CRTC2: variants seen among roughly 807,000 people sequenced by gnomAD.
The protein encoded by CRTC2 is CREB-regulated transcription coactivator 2.
In CRTC2, 25 loss-of-function variants were observed where a neutral mutation model predicts 70.9. The observed-to-expected ratio is 0.35, with a 90% CI of 0.26 to 0.49. CRTC2 has a LOEUF of 0.49. Ranked by LOEUF, CRTC2 falls within the 20% of genes least tolerant of loss-of-function variation. CRTC2 has a pLI of 0.98. For missense variants in CRTC2, 737 were observed against 882.6 expected, an observed-to-expected ratio of 0.83 and a Z score of 2.09; for synonymous variants, 330 against 364.1, an observed-to-expected ratio of 0.91 and a Z score of 1.07.
Position 153,954,858 on chromosome 1 carries a change from C to T in CRTC2, c.372+15G>A, listed in dbSNP as rs1445635517. 2 of 1,608,632 alleles carry T rather than the reference C, an allele frequency of 1.2e-6. No homozygotes were observed. The highest frequency in any genetic ancestry group is 1.7e-6 in the Non-Finnish European group (2 of 1,176,584). Reference sequence around the variant, plus strand: ...ACTACCTTTCAGACACTCCCAAGTCCCCTGTGAAGGATATGTGGCGGGTGT... The same window carrying T: ...ACTACCTTTCAGACACTCCCAAGTCTCCTGTGAAGGATATGTGGCGGGTGT... On this transcript the variant is annotated intron_variant, in intron 3 of 13. Coordinates refer to ENST00000368633, the MANE Select transcript of CRTC2 (RefSeq NM_181715.3).
At chr1:153,953,233 G>C (rs1324302637) in intron 6 of CRTC2, 33 bp downstream of exon 6, 6 of 1,100,046 alleles carry the variant, frequency 5.5e-6, no homozygotes, top group Non-Finnish European at 7.9e-6. Context: ...ATAGCTCCAT[G>C]GTTACTCCCA....
Position 153,953,274 on chromosome 1 carries a change from C to T in CRTC2, c.599G>A (p.Arg200Gln), listed in dbSNP as rs368267106. 5.1e-6 allele frequency: 8 copies of T among 1,579,508 alleles called. No homozygotes were observed. In the African/African-American group the frequency reaches 5.5e-5, roughly 11 times the overall value. The change falls in exon 6 of 14, where the codon CGA becomes CAA. Residue 200 changes from arginine (R) to glutamine (Q), a missense_variant. Arg to Gln is a conservative substitution (Grantham distance 43, BLOSUM62 1). Transcript: ENST00000368633. The part of the protein sequence containing the change: ...GPTPPSILPS[R>Q]RGGILDGEMD... The stretch of plus-strand genomic sequence containing the variant: ...GGGACAGGGCCACTTACCCCCACGT[C>T]GGCTGGGCAGGATGCTGGGAGGTGT...
chr1:153,951,883 G>A lies in CRTC2; in HGVS notation c.997+135C>T, dbSNP rs1557868001. 2.5e-5 allele frequency: 33 copies of A among 1,296,366 alleles called. No homozygotes were observed. In the South Asian group the frequency reaches 4.4e-4, roughly 17 times the overall value. 80.3% of individuals were successfully genotyped at this position (1,296,366 alleles called of 1,614,324 possible). A position where few individuals can be genotyped will look rare whatever the true frequency, so the allele number is the denominator to read the frequency against. ...GTTATCACTGGCTGAGAACTGCCGT[G>A]AGGGAATCCTGGGGTGCAGAGGTGA... On this transcript the variant is annotated intron_variant, in intron 10 of 13. Transcript: ENST00000368633.
At chr1:153,950,493 A>T (rs963163586) in intron 11 of CRTC2, among the ~76,000 whole-genome samples, 1 of 152,166 alleles carries the variant, frequency 6.6e-6, no homozygotes, top group African/African-American at 2.4e-5. Context: ...GAGGAGGAAA[A>T]GTTGGGCAGA....
Position 153,954,322 on chromosome 1 carries a change from C to G in CRTC2, c.373-6G>C. 1.2e-6 allele frequency: 2 copies of G among 1,607,732 alleles called. No individual in the cohort carries two copies. Among genetic ancestry groups the G allele is most frequent in the Non-Finnish European group, 1.7e-6 (2 of 1,175,318 alleles). ...CTATAGGGAGAGCTGTCAATGTGAACAGCACCAGTTAAGGAAAAAAGTAGA... is the reference window on the plus strand; with the variant it reads ...CTATAGGGAGAGCTGTCAATGTGAAGAGCACCAGTTAAGGAAAAAAGTAGA... On this transcript the variant is annotated splice_region_variant and splice_polypyrimidine_tract_variant and intron_variant, in intron 3 of 13. Transcript: ENST00000368633.
At chr1:153,948,436 A>C in intron 13 of CRTC2, 22 bp downstream of exon 13, 1 of 1,606,144 alleles carries the variant, frequency 6.2e-7, no homozygotes, top group Non-Finnish European at 8.5e-7. Context: ...TCCATTTCCC[A>C]TCACCACCCA....
intron 10 of CRTC2, 158 bp from the exon 11 acceptor site, chr1:153,951,824 T>C: frequency 9.5e-7 from 1 of 1,053,252 alleles, no homozygotes; most frequent in South Asian, 1.6e-5. Flanking sequence ...GGGACTGCCC[T>C]TCCTCTTCTT....
At chr1:153,948,814 A>G (rs1416709940) in intron 12 of CRTC2, 170 bp from the exon 13 acceptor site, 5 of 806,864 alleles carry the variant, frequency 6.2e-6, no homozygotes, top group Non-Finnish European at 1.0e-5. Flanking sequence ...CGGGGCCCGA[A>G]GTAAGTATGG....
intron 1 of CRTC2, among the ~76,000 whole-genome samples, chr1:153,957,612 C>A (rs894751175): frequency 6.6e-6 from 1 of 152,116 alleles, no homozygotes; most frequent in Non-Finnish European, 1.5e-5. Flanking sequence ...GCACCCTACA[C>A]ACTAACCCAC....
Position 153,951,652 on chromosome 1 carries a change from G to A in CRTC2, c.1012C>T (p.Leu338Phe), listed in dbSNP as rs574923981. 6.4e-5 allele frequency: 104 copies of A among 1,613,618 alleles called. No homozygotes were observed. In the South Asian group the frequency reaches 9.0e-4, roughly 14 times the overall value. Residue 338 changes from leucine to phenylalanine, a missense_variant, in exon 11 of 14, where the codon CTC becomes TTC. Leu to Phe is a conservative substitution (Grantham distance 22). Around this residue, in one of 3 missense-constraint regions of CRTC2, gnomAD observed 699 missense variants for 823.7 expected, o/e 0.85. Coordinates refer to ENST00000368633, the MANE Select transcript of CRTC2 (RefSeq NM_181715.3). ...GYDAPGLHSP[L>F]SHPSLQSSLS... ...GAGGACTGCAGGGATGGGTGGCTGA[G>A]AGGTGAATGAAGTCCTGCAGGCACA...
chr1:153,955,450 CCA>C (rs1164901887), intron 1 of CRTC2, among the ~76,000 whole-genome samples: 4 of 151,204 alleles, frequency 2.6e-5, no homozygotes, highest in Non-Finnish European at 5.9e-5. Flanking sequence ...GCCTGTAGTC[CCA>C]GTTACTCGGG....
In CRTC2 at chr1:153,952,046, C is replaced by T; in HGVS notation, c.969G>A (p.Met323Ile). The stretch of plus-strand genomic sequence containing the variant: ...GTGCATCATAGCCTGGGCCCAGGCC[C>T]ATGCCCCTGCTGATGCCCAGGTGAG... ...TMTHLGISRG[M>I]GLGPGYDAPG... Residue 323 changes from methionine (M) to isoleucine (I), a missense_variant, in exon 10 of 14, where the codon ATG becomes ATA. Physicochemically the swap from Met to Ile is conservative, Grantham distance 10. Around this residue, in one of 3 missense-constraint regions of CRTC2, gnomAD observed 699 missense variants for 823.7 expected, o/e 0.85. Transcript: ENST00000368633. 1 of 1,613,980 alleles carries T rather than the reference C, an allele frequency of 6.2e-7. No individual in the cohort carries two copies. Among genetic ancestry groups the T allele is most frequent in the East Asian group, 2.2e-5 (1 of 44,886 alleles).
chr1:153,952,629 G>T lies in CRTC2; in HGVS notation c.644C>A (p.Ala215Asp), dbSNP rs889069446. 6.2e-7 allele frequency: 1 copy of T among 1,614,194 alleles called. No homozygotes were observed. The highest frequency in any genetic ancestry group is 1.1e-5 in the South Asian group (1 of 91,084). Residue 215 changes from alanine (A) to aspartate (D), a missense_variant, in exon 8 of 14, where the codon GCT (alanine) becomes GAT (aspartate). Coordinates refer to ENST00000368633, the MANE Select transcript of CRTC2 (RefSeq NM_181715.3). Reference protein sequence around the residue: ...LDGEMDPKVPAIEENLLDDKH... With the variant: ...LDGEMDPKVPDIEENLLDDKH... ...GTCATCTAGCAAGTTCTCCTCAATA[G>T]CAGGTACTTGAAAGAGAAAGACTGG...
intron 8 of CRTC2, 48 bp downstream of exon 8, chr1:153,952,522 AG>A: frequency 6.2e-7 from 1 of 1,610,844 alleles, no homozygotes; most frequent in Non-Finnish European, 8.5e-7. Context: ...CCCCATGGCA[AG>A]GGGATAGCAG....
rs544579417 is a variant in CRTC2 at position 153,951,554 on chromosome 1, G to T, written c.1110C>A (p.Pro370=). ...GGGCCAAGGAGGAGGCAGGCAGAGAGGGGTGGCTGTGGGAGCCCTGAAGCT... is the reference window on the plus strand; with the variant it reads ...GGGCCAAGGAGGAGGCAGGCAGAGATGGGTGGCTGTGGGAGCCCTGAAGCT... ...QPQLQGSHSH[P]SLPASSLARH... is the part of the protein sequence containing the mutation. The change falls in exon 11 of 14, where the codon CCC becomes CCA. Residue 370 remains proline, a synonymous_variant. Transcript: ENST00000368633. The T allele has an allele frequency of 4.3e-6, 7 of 1,610,564 alleles. No individual in the cohort carries two copies. In the South Asian group the frequency reaches 7.7e-5, roughly 18 times the overall value.
chr1:153,955,258 G>T, intron 1 of CRTC2, 92 bp from the exon 2 acceptor site: 1 of 939,186 alleles, frequency 1.1e-6, no homozygotes, highest in Non-Finnish European at 1.7e-6. Flanking sequence ...AGGATATGCT[G>T]CTGCCGCCAC....
intron 3 of CRTC2, 87 bp downstream of exon 3, chr1:153,954,786 C>G: frequency 8.6e-7 from 1 of 1,158,408 alleles, no homozygotes; most frequent in East Asian, 2.4e-5. Flanking sequence ...GGAAGGGACG[C>G]ACAACACTTC....
Position 153,954,752 on chromosome 1 carries a change from G to A in CRTC2, c.372+121C>T, listed in dbSNP as rs553603086. 1,456 of 863,574 alleles carry A rather than the reference G, an allele frequency of 1.7e-3. 31 individuals are homozygous for A. In the South Asian group the frequency reaches 0.02, roughly 12 times the overall value. The allele number at this position is 863,574 out of a possible 1,614,324, so 53.5% of individuals were successfully genotyped here. On this transcript the variant is annotated intron_variant, in intron 3 of 13. Transcript: ENST00000368633. ...GCTATGGTCGCTTTTCAGGGAAGCT[G>A]GGTAAAGAAGAGCTCCAAGAGAAGG...
chr1:153,953,545 G>C lies in CRTC2; in HGVS notation c.496C>G (p.Leu166Val), dbSNP rs1237701160. 2 of 1,611,312 alleles carry C rather than the reference G, an allele frequency of 1.2e-6. No homozygotes were observed. Among genetic ancestry groups the C allele is most frequent in the Admixed American group, 1.7e-5 (1 of 59,834 alleles). ...KGQLFRLPSA[L>V]NRTSSDSALH... is the part of the protein sequence containing the mutation. ...GAAGGCAAAAGCCATCACCTGTTAA[G>C]TGCAGATGGTAGTCGAAACAACTGC... Residue 166 changes from leucine (L) to valine (V), a missense_variant, in exon 5 of 14, where the codon CTT becomes GTT. This residue lies in a region of CRTC2 where 699 missense variants were observed against 823.7 expected (regional missense o/e 0.85). Coordinates refer to ENST00000368633, the MANE Select transcript of CRTC2 (RefSeq NM_181715.3).
Sources: allele counts gnomAD v4.1 joint callset (sites outside exome capture counted in the v4.1 genomes callset), GRCh38; gene constraint gnomAD v4.1.1; regional missense constraint gnomAD v4.1.1; transcripts MANE v1.5; gene names NCBI Gene and HGNC (gene_info 2026-07-23, HGNC 2026-07-21).